Variants in SCARB1 observed in about 807,000 individuals in gnomAD.
SCARB1 encodes the protein scavenger receptor class B member 1, also known as CD36 and LIMPII analogous 1.
A neutral mutation model predicts 57.2 loss-of-function variants in SCARB1; 30 were observed. The ratio of observed to expected loss-of-function variants is 0.52; its 90% confidence interval spans 0.39 to 0.71. SCARB1 has a LOEUF of 0.71. Among genes scored for constraint, SCARB1 ranks in the 30% least tolerant of loss-of-function variants. The pLI is 0.00. For missense variants in SCARB1, 543 were observed against 671.2 expected (o/e 0.81, Z 2.11); for synonymous variants, 249 against 268.3 (o/e 0.93, Z 0.70).
intron 1 of SCARB1, among the ~76,000 whole-genome samples, chr12:124,838,486 A>C (rs1951780526): frequency 1.3e-5 from 2 of 152,170 alleles, no homozygotes; most frequent in African/African-American, 4.8e-5. Context: ...CCAGTTCAAG[A>C]ACACGTCATG....
intron 1 of SCARB1, among the ~76,000 whole-genome samples, chr12:124,861,247 C>T (rs559739441): frequency 1.9e-3 from 284 of 152,248 alleles, no homozygotes; most frequent in Admixed American, 3.4e-3. Flanking sequence ...CGCATCCTCC[C>T]GTATTCTTTA....
At chr12:124,832,048 G>A (rs1951417081) in intron 1 of SCARB1, among the ~76,000 whole-genome samples, 1 of 152,330 alleles carries the variant, frequency 6.6e-6, no homozygotes, top group South Asian at 2.1e-4. Context: ...AAAATGATAC[G>A]AAGGAGAAAC....
chr12:124,837,529 A>G (rs1275010995), intron 1 of SCARB1, among the ~76,000 whole-genome samples: 2,336 of 95,266 alleles, frequency 0.025, 179 homozygotes, highest in East Asian at 0.16. Flanking sequence ...GAAAGGAAAG[A>G]AAAAGAAAGA....
intron 1 of SCARB1, 117 bp downstream of exon 1, chr12:124,863,478 G>T (rs1416890392): frequency 1.8e-6 from 2 of 1,110,200 alleles, no homozygotes; most frequent in Middle Eastern, 2.3e-4. Flanking sequence ...GCGGCGCCAG[G>T]CCCGGGCGCC....
intron 9 of SCARB1, 131 bp downstream of exon 9, chr12:124,795,064 C>T (rs939573848): frequency 9.9e-6 from 8 of 808,346 alleles, no homozygotes; most frequent in Non-Finnish European, 1.5e-5. Context: ...TGGATTCCAC[C>T]CCCAATAGGA....
Position 124,817,126 on chromosome 12 carries a change from A to G in SCARB1, c.284+424T>C, listed in dbSNP as rs1594285813. Among the ~76,000 whole-genome samples the G allele has an allele frequency of 9.2e-6, 1 of 108,408 alleles. No individual in the cohort carries two copies. The highest frequency in any genetic ancestry group is 2.3e-5 in the Non-Finnish European group (1 of 44,014). The allele number at this position is 108,408 out of a possible 152,430, so 71.1% of individuals were successfully genotyped here. ...TGTGTATGTACGTGTGTATGTATGTATGTGTGTATGTGTATGTGTATGTGT... is the reference window on the plus strand; with the variant it reads ...TGTGTATGTACGTGTGTATGTATGTGTGTGTGTATGTGTATGTGTATGTGT... On this transcript the variant is annotated intron_variant, in intron 2 of 12. Transcript: ENST00000261693. The surrounding 1 kb of genome is among the most constrained non-coding windows in gnomAD (Gnocchi z 4.8).
At chr12:124,795,904 C>G (rs952324007) in intron 8 of SCARB1, among the ~76,000 whole-genome samples, 1 of 152,190 alleles carries the variant, frequency 6.6e-6, no homozygotes, top group Non-Finnish European at 1.5e-5. Flanking sequence ...TTATGGTTGT[C>G]TTCTTTTTTT....
intron 1 of SCARB1, among the ~76,000 whole-genome samples, chr12:124,862,943 G>A (rs1224764838): frequency 6.6e-6 from 1 of 152,226 alleles, no homozygotes; most frequent in African/African-American, 2.4e-5. Flanking sequence ...GCCTGCCTCT[G>A]CATGAATCTG....
At chr12:124,843,081 G>A (rs1039769067) in intron 1 of SCARB1, among the ~76,000 whole-genome samples, 10 of 152,184 alleles carry the variant, frequency 6.6e-5, no homozygotes, top group African/African-American at 2.2e-4. Flanking sequence ...GAGCAGTGTC[G>A]TGCTGTGATC....
At position 124,815,230 on chromosome 12, in the gene SCARB1, C is replaced by T. The variant is rs571775130; in HGVS notation, c.285-116G>A. The T allele has an allele frequency of 2.0e-4, 233 of 1,182,596 alleles. 1 individual carries two copies. In the African/African-American group the frequency reaches 2.6e-3, roughly 13 times the overall value. 73.3% of individuals were successfully genotyped at this position (1,182,596 alleles called of 1,614,324 possible). Reference sequence around the variant, plus strand: ...GGCCCTGGACGTCTGTGCACACCTCCGGCCCCACAGCCAAAGCTGAGCTCG... The same window carrying T: ...GGCCCTGGACGTCTGTGCACACCTCTGGCCCCACAGCCAAAGCTGAGCTCG... On this transcript the variant is annotated intron_variant, in intron 2 of 12. Coordinates refer to ENST00000261693, the MANE Select transcript of SCARB1 (RefSeq NM_005505.5).
At chr12:124,801,800 T>C (rs993749153) in intron 7 of SCARB1, among the ~76,000 whole-genome samples, 2 of 151,196 alleles carry the variant, frequency 1.3e-5, no homozygotes, top group Admixed American at 6.6e-5. Context: ...AAGCCAAGAT[T>C]GCACCAATGC....
Position 124,810,176 on chromosome 12 carries a change from G to A in SCARB1, c.840C>T (p.Cys280=). ...AGGCCCCGAGTCCCAGTGATTACCG[G>A]CAGGCCTCCGGGCTGTAGAACTCCA... ...SSLEFYSPEA[C]RSMKLMYKES... The change falls in exon 6 of 13, where the codon TGC becomes TGT. Residue 280 remains cysteine (C), a splice_region_variant and synonymous_variant. Coordinates refer to ENST00000261693, the MANE Select transcript of SCARB1 (RefSeq NM_005505.5). The surrounding 1 kb of genome is among the most constrained non-coding windows in gnomAD (Gnocchi z 4.0). 1 of 1,608,574 alleles carries A rather than the reference G, an allele frequency of 6.2e-7. No individual in the cohort carries two copies. The highest frequency in any genetic ancestry group is 8.5e-7 in the Non-Finnish European group (1 of 1,175,080).
rs184509015 is a variant in SCARB1 at position 124,822,518 on chromosome 12, G to A, written c.127-4811C>T. On this transcript the variant is annotated intron_variant, in intron 1 of 12. Transcript: ENST00000261693. The surrounding 1 kb of genome is among the most constrained non-coding windows in gnomAD (Gnocchi z 5.0). ...CTGCCGGGGACCGGGATGGAGGGAG[G>A]GGACTAACGTGAACTGGCCCAGCTA... Among the ~76,000 whole-genome samples the A allele has an allele frequency of 1.7e-3, 265 of 152,344 alleles. 1 individual carries two copies. The highest frequency in any genetic ancestry group is 5.9e-3 in the African/African-American group (247 of 41,576).
chr12:124,859,806 C>T (rs567703376), intron 1 of SCARB1, among the ~76,000 whole-genome samples: 7 of 151,486 alleles, frequency 4.6e-5, no homozygotes, highest in African/African-American at 9.7e-5. Context: ...CTTGTCTCTA[C>T]GAAAATAAAA....
rs566523330 is a variant in SCARB1 at position 124,817,856 on chromosome 12, C to T, written c.127-149G>A. On this transcript the variant is annotated intron_variant, in intron 1 of 12. Coordinates refer to ENST00000261693, the MANE Select transcript of SCARB1 (RefSeq NM_005505.5). This position sits in a 1 kb window ranked among gnomAD's most constrained non-coding sequence, Gnocchi z 4.8. ...TAGGAGGTGGTGGGAAAGCCCTTCG[C>T]ACATGAGGCTGTCGCACCTGGAGCT... The T allele has an allele frequency of 2.3e-3, 1,902 of 817,204 alleles. 2 individuals are homozygous for T. The highest frequency in any genetic ancestry group is 3.5e-3 in the Non-Finnish European group (1,636 of 468,254). The allele number at this position is 817,204 out of a possible 1,614,324, so 50.6% of individuals were successfully genotyped here. A position where few individuals can be genotyped will look rare whatever the true frequency, so the allele number is the denominator to read the frequency against.
intron 12 of SCARB1, among the ~76,000 whole-genome samples, chr12:124,780,355 T>G (rs943251277): frequency 6.6e-6 from 1 of 152,226 alleles, no homozygotes; most frequent in Non-Finnish European, 1.5e-5. Context: ...TGTCTTTTTC[T>G]TATTTATATA....
intron 8 of SCARB1, among the ~76,000 whole-genome samples, chr12:124,799,301 G>T (rs936567107): frequency 1.3e-5 from 2 of 152,164 alleles, no homozygotes; most frequent in Admixed American, 6.5e-5. Context: ...AAGACAGGAG[G>T]ATCGCTTGAG....
Position 124,810,328 on chromosome 12 carries a change from C to A in SCARB1, c.727-39G>T. ...TCCAGACTAGACCCCTCAGTAGGGC[C>A]AAGGCCCCTTAATAAGCCCTCTCAG... On this transcript the variant is annotated intron_variant, in intron 5 of 12. Coordinates refer to ENST00000261693, the MANE Select transcript of SCARB1 (RefSeq NM_005505.5). The surrounding 1 kb of genome is among the most constrained non-coding windows in gnomAD (Gnocchi z 4.0). The A allele has an allele frequency of 1.4e-6, 2 of 1,444,084 alleles. No homozygotes were observed. Among genetic ancestry groups the A allele is most frequent in the Non-Finnish European group, 2.0e-6 (2 of 1,025,470 alleles). The allele number at this position is 1,444,084 out of a possible 1,614,324, so 89.5% of individuals were successfully genotyped here. A position where few individuals can be genotyped will look rare whatever the true frequency, so the allele number is the denominator to read the frequency against.
chr12:124,783,217 T>C (rs1049615002), intron 11 of SCARB1: 13 of 221,990 alleles, frequency 5.9e-5, no homozygotes, highest in Non-Finnish European at 2.7e-5. Flanking sequence ...AAGAAAAAAT[T>C]ACTGCTTTTT....
Sources: allele counts gnomAD v4.1 joint callset (sites outside exome capture counted in the v4.1 genomes callset), GRCh38; gene constraint gnomAD v4.1.1; non-coding constraint Gnocchi (gnomAD v3.1); transcripts MANE v1.5; gene names NCBI Gene and HGNC (gene_info 2026-07-23, HGNC 2026-07-21).